The following DIAPH1 variants were observed in gnomAD, a reference collection of about 807,000 sequenced individuals.
The protein encoded by DIAPH1 is diaphanous related formin 1, also known as protein diaphanous homolog 1.
DIAPH1 carries 46 observed loss-of-function variants against 140.7 expected under a neutral mutation model. That is an observed-to-expected ratio of 0.33 (90% confidence interval 0.26 to 0.42). The LOEUF is 0.42. Among genes scored for constraint, DIAPH1 ranks in the 10% least tolerant of loss-of-function variants. The probability of loss-of-function intolerance (pLI) is 1.00; values close to 1 mark genes in which losing one functional copy is unlikely to be tolerated. For missense variants in DIAPH1, 1,310 were observed against 1,558.7 expected (o/e 0.84, Z 2.69); for synonymous variants, 565 against 551.6 (o/e 1.02, Z -0.34).
At chr5:141,595,107 T>C (rs1013166426) in intron 1 of DIAPH1, among the ~76,000 whole-genome samples, 1 of 150,362 alleles carries the variant, frequency 6.7e-6, no homozygotes, top group African/African-American at 2.4e-5. Context: ...CTATATGACA[T>C]TCTAGAAAAG....
At chr5:141,605,113 A>G (rs972502258) in intron 1 of DIAPH1, among the ~76,000 whole-genome samples, 9 of 152,204 alleles carry the variant, frequency 5.9e-5, no homozygotes, top group African/African-American at 2.2e-4. Flanking sequence ...TAATTTCTGA[A>G]AAACAAAGTA....
At position 141,534,349 on chromosome 5, in the gene DIAPH1, G is replaced by A; in HGVS notation, c.2567C>T (p.Thr856Ile). The A allele has an allele frequency of 6.2e-7, 1 of 1,613,114 alleles. No homozygotes were observed. Among genetic ancestry groups the A allele is most frequent in the Non-Finnish European group, 8.5e-7 (1 of 1,179,326 alleles). Residue 856 changes from threonine to isoleucine, a missense_variant, in exon 19 of 28, where the codon ACA (threonine) becomes ATA (isoleucine). Thr to Ile is a moderately conservative substitution (Grantham distance 89). This residue lies in a region of DIAPH1 where 589 missense variants were observed against 549.3 expected (regional missense o/e 1.07). Transcript: ENST00000389054. The part of the protein sequence containing the change: ...VKELKVLDSK[T>I]AQNLSIFLGS... ...GAGATACTCACAGAGATTCTGGGCT[G>A]TCTTTGAATCCAACACCTTTAACTC...
At chr5:141,522,266 T>C (rs931869359) in intron 27 of DIAPH1, among the ~76,000 whole-genome samples, 3 of 152,244 alleles carry the variant, frequency 2.0e-5, no homozygotes, top group African/African-American at 7.2e-5. Flanking sequence ...TCATTTCACC[T>C]ACTTTCCAAT....
At chr5:141,529,823 C>A in intron 19 of DIAPH1, 126 bp from the exon 20 acceptor site, 1 of 811,546 alleles carries the variant, frequency 1.2e-6, no homozygotes, top group Admixed American at 2.0e-5. Flanking sequence ...GTGGCTCATG[C>A]CTGTAATCCC....
intron 18 of DIAPH1, among the ~76,000 whole-genome samples, chr5:141,559,929 GC>G (rs1355412075): frequency 6.6e-6 from 1 of 152,164 alleles, no homozygotes. Flanking sequence ...TAATCCCCAT[GC>G]ATACATCACT....
At position 141,576,868 on chromosome 5, in the gene DIAPH1, A is replaced by G; in HGVS notation, c.1284T>C (p.Pro428=). Residue 428 remains proline (P), a synonymous_variant, in exon 13 of 28, where the codon CCT becomes CCC. Coordinates refer to ENST00000389054, the MANE Select transcript of DIAPH1 (RefSeq NM_005219.5). The part of the protein sequence containing the change: ...LLVRNDYEAR[P]QYYKLIEECI... ...ATTCTTCAATCAACTTATAGTACTG[A>G]GGTCTACAAGAGAATAAAAACAGGG... 6.4e-7 allele frequency: 1 copy of G among 1,565,336 alleles called. No homozygotes were observed. The highest frequency in any genetic ancestry group is 1.1e-5 in the South Asian group (1 of 90,150).
chr5:141,544,295 A>G (rs1006558337), intron 18 of DIAPH1, among the ~76,000 whole-genome samples: 3 of 152,164 alleles, frequency 2.0e-5, no homozygotes, highest in African/African-American at 7.2e-5. Flanking sequence ...GGGCGACAAG[A>G]GTGAGACTCC....
rs140416968 is a variant in DIAPH1, at chr5:141,555,934, G to A, written c.2482+15494C>T. Among the ~76,000 whole-genome samples, 335 of 152,234 alleles carry A rather than the reference G, an allele frequency of 2.2e-3. 3 individuals carry two copies. Among genetic ancestry groups the A allele is most frequent in the Non-Finnish European group, 4.0e-3 (270 of 68,010 alleles). On this transcript the variant is annotated intron_variant, in intron 18 of 27. Transcript: ENST00000389054. ...CTAGTCTCCACAGACCAGACTCTAC[G>A]AGTGTCCTGCCAGCCTTGCCAAGAA...
intron 21 of DIAPH1, 115 bp downstream of exon 21, chr5:141,529,057 A>G: frequency 1.3e-6 from 2 of 1,578,034 alleles, no homozygotes; most frequent in Non-Finnish European, 1.7e-6. Flanking sequence ...GAAGAGAGAG[A>G]TTAAGACAGG....
At chr5:141,554,161 C>A (rs1008721804) in intron 18 of DIAPH1, among the ~76,000 whole-genome samples, 1 of 152,068 alleles carries the variant, frequency 6.6e-6, no homozygotes, top group African/African-American at 2.4e-5. Context: ...CTTGTAATCC[C>A]AGCTACTCGG....
intron 1 of DIAPH1, among the ~76,000 whole-genome samples, chr5:141,615,353 A>ATTCTCCTCC (rs1251185883): frequency 6.7e-6 from 1 of 150,320 alleles, no homozygotes; most frequent in Non-Finnish European, 1.5e-5. Flanking sequence ...GAATCGCTTG[A>ATTCTCCTCC]ACCCGGGAGG....
intron 18 of DIAPH1, among the ~76,000 whole-genome samples, chr5:141,552,105 C>T (rs868515139): frequency 6.6e-6 from 1 of 152,090 alleles, no homozygotes; most frequent in Non-Finnish European, 1.5e-5. Context: ...AGAGACTTTG[C>T]AGGCATGATT....
At chr5:141,590,215 A>T (rs2099898189) in intron 1 of DIAPH1, among the ~76,000 whole-genome samples, 1 of 152,194 alleles carries the variant, frequency 6.6e-6, no homozygotes, top group Admixed American at 6.5e-5. Context: ...GTGAATGTAT[A>T]CTTTGTCCAT....
rs79558427 is a variant in DIAPH1 at position 141,527,699 on chromosome 5, T to TAAAAA, written c.3149-7_3149-3dup. On this transcript the variant is annotated splice_polypyrimidine_tract_variant and splice_region_variant and intron_variant, in intron 23 of 27. Coordinates refer to ENST00000389054, the MANE Select transcript of DIAPH1 (RefSeq NM_005219.5). Reference sequence around the variant, plus strand: ...TCTTTTGCAAGTTTTCAGCAGAAACTAAAAAAAAAAAAAAAAAAAAAAACC... The same window carrying TAAAAA: ...TCTTTTGCAAGTTTTCAGCAGAAACTAAAAAAAAAAAAAAAAAAAAAAAAAAAACC... 798 of 1,131,030 alleles carry TAAAAA rather than the reference T, an allele frequency of 7.1e-4. No homozygotes were observed. Among genetic ancestry groups the TAAAAA allele is most frequent in the African/African-American group, 1.8e-3 (72 of 40,880 alleles). 70.1% of individuals were successfully genotyped at this position (1,131,030 alleles called of 1,614,324 possible). A position where few individuals can be genotyped will look rare whatever the true frequency, so the allele number is the denominator to read the frequency against.
At chr5:141,617,855 T>C (rs537425916) in intron 1 of DIAPH1, among the ~76,000 whole-genome samples, 6 of 152,286 alleles carry the variant, frequency 3.9e-5, no homozygotes, top group African/African-American at 1.4e-4. Context: ...TGAAAGTAAC[T>C]GGCACTTGAG....
chr5:141,587,503 G>A (rs917600920), intron 2 of DIAPH1: 9 of 380,232 alleles, frequency 2.4e-5, no homozygotes, highest in Non-Finnish European at 3.4e-5. Context: ...GTAGTAGTAC[G>A]GAACTGAAAG....
At chr5:141,529,010 A>G in intron 21 of DIAPH1, 69 bp from the exon 22 acceptor site, 1 of 1,610,376 alleles carries the variant, frequency 6.2e-7, no homozygotes. Flanking sequence ...TACACGCTTG[A>G]GCCTCCTATG....
At chr5:141,581,111 T>C (rs1295202814) in intron 7 of DIAPH1, among the ~76,000 whole-genome samples, 2 of 152,174 alleles carry the variant, frequency 1.3e-5, no homozygotes, top group African/African-American at 4.8e-5. Flanking sequence ...CTTAATCCAA[T>C]ATGACCAGTG....
intron 1 of DIAPH1, among the ~76,000 whole-genome samples, chr5:141,609,178 A>AC (rs912552730): frequency 1.3e-4 from 19 of 151,980 alleles, no homozygotes; most frequent in South Asian, 4.2e-4. Context: ...CAAAAAAAAA[A>AC]AAAAAAAAAC....
Sources: gnomAD v4.1 joint callset for allele counts (sites outside exome capture counted in the v4.1 genomes callset) on GRCh38, gnomAD v4.1.1 for gene constraint, gnomAD v4.1.1 regional missense constraint, MANE v1.5 for transcripts, NCBI Gene and HGNC (gene_info 2026-07-23, HGNC 2026-07-21) for gene names.